AKT3: variants seen among roughly 807,000 people sequenced by gnomAD.
AKT3 encodes AKT serine/threonine kinase 3, also known as RAC-gamma serine/threonine-protein kinase.
AKT3 carries 15 observed loss-of-function variants against 65.3 expected under a neutral mutation model. The observed-to-expected ratio is 0.23, with a 90% CI of 0.15 to 0.35. AKT3 has a LOEUF of 0.35. Ranked by LOEUF, AKT3 falls within the 10% of genes least tolerant of loss-of-function variation. AKT3 has a pLI of 1.00. For synonymous variants in AKT3, 206 were observed against 183.8 expected, an observed-to-expected ratio of 1.12 and a Z score of -0.98; for missense variants, 243 against 576.5, an observed-to-expected ratio of 0.42 and a Z score of 5.92.
intron 2 of AKT3, among the ~76,000 whole-genome samples, chr1:243,703,588 G>A (rs944689279): frequency 1.3e-5 from 2 of 151,716 alleles, no homozygotes; most frequent in South Asian, 2.1e-4. Flanking sequence ...TGGCAAGACC[G>A]TCTCTACTAA....
At chr1:243,637,058 T>G (rs1680027869) in intron 6 of AKT3, among the ~76,000 whole-genome samples, 2 of 152,162 alleles carry the variant, frequency 1.3e-5, no homozygotes, top group South Asian at 4.1e-4. Flanking sequence ...ATTGGGATTT[T>G]GTTCAGAACT....
chr1:243,678,087 T>C (rs1683655519), intron 3 of AKT3, among the ~76,000 whole-genome samples: 1 of 151,998 alleles, frequency 6.6e-6, no homozygotes, highest in Admixed American at 6.6e-5. Flanking sequence ...GACTCTTGTC[T>C]CAAACAAACA....
At chr1:243,689,154 T>C (rs1684525864) in intron 3 of AKT3, among the ~76,000 whole-genome samples, 2 of 152,172 alleles carry the variant, frequency 1.3e-5, no homozygotes, top group Admixed American at 6.6e-5. Flanking sequence ...ATGTCTTCCA[T>C]AGTCAATGAC....
At chr1:243,544,146 T>C (rs954679387) in intron 12 of AKT3, among the ~76,000 whole-genome samples, 5 of 150,942 alleles carry the variant, frequency 3.3e-5, no homozygotes, top group Non-Finnish European at 5.9e-5. Context: ...GAGTAGATTA[T>C]TGAATGAAAA....
intron 9 of AKT3, among the ~76,000 whole-genome samples, chr1:243,572,423 A>T (rs1424524502): frequency 6.6e-6 from 1 of 152,198 alleles, no homozygotes; most frequent in African/African-American, 2.4e-5. Flanking sequence ...TCATAATGGA[A>T]CTTACAGCAG....
At chr1:243,749,813 T>C (rs1056175318) in intron 2 of AKT3, among the ~76,000 whole-genome samples, 9 of 152,216 alleles carry the variant, frequency 5.9e-5, no homozygotes, top group African/African-American at 2.2e-4. Flanking sequence ...TCAGTATCCA[T>C]TCACTCTTCA....
intron 10 of AKT3, among the ~76,000 whole-genome samples, chr1:243,558,369 T>G (rs1399285092): frequency 6.6e-6 from 1 of 151,986 alleles, no homozygotes; most frequent in Non-Finnish European, 1.5e-5. Context: ...GTCAAAATAT[T>G]CTCATCTATT....
At chr1:243,730,502 G>A (rs1022728018) in intron 2 of AKT3, among the ~76,000 whole-genome samples, 1 of 152,216 alleles carries the variant, frequency 6.6e-6, no homozygotes, top group East Asian at 1.9e-4. Context: ...CTGCAGGAGT[G>A]AAAAGCAGTG....
intron 1 of AKT3, among the ~76,000 whole-genome samples, chr1:243,847,471 T>C (rs1251663465): frequency 1.3e-5 from 2 of 152,126 alleles, no homozygotes; most frequent in African/African-American, 4.8e-5. Flanking sequence ...AAAGTTTAAG[T>C]AAAGGCTAAA....
At chr1:243,554,748 T>C (rs939465133) in intron 10 of AKT3, among the ~76,000 whole-genome samples, 3 of 152,014 alleles carry the variant, frequency 2.0e-5, no homozygotes, top group African/African-American at 7.2e-5. Context: ...AACAGTGGCA[T>C]ATACGAAAAG....
intron 8 of AKT3, among the ~76,000 whole-genome samples, chr1:243,593,060 A>T (rs1430705946): frequency 6.6e-6 from 1 of 152,174 alleles, no homozygotes; most frequent in Non-Finnish European, 1.5e-5. Flanking sequence ...CCACAATAAA[A>T]ACTGGAGCTC....
chr1:243,589,526 G>GTT (rs1676078151), intron 8 of AKT3, among the ~76,000 whole-genome samples: 3 of 152,064 alleles, frequency 2.0e-5, no homozygotes, highest in Non-Finnish European at 2.9e-5. Context: ...TAAAAAAGAT[G>GTT]AGATAGCAAG....
At chr1:243,564,946 T>C (rs954885690) in intron 9 of AKT3, among the ~76,000 whole-genome samples, 6 of 152,210 alleles carry the variant, frequency 3.9e-5, no homozygotes, top group Non-Finnish European at 7.3e-5. Flanking sequence ...ATCTCCACTT[T>C]AGAACATAAA....
chr1:243,678,868 G>A (rs1683715531), intron 3 of AKT3, among the ~76,000 whole-genome samples: 1 of 152,012 alleles, frequency 6.6e-6, no homozygotes, highest in Admixed American at 6.5e-5. Flanking sequence ...GAAAATACAG[G>A]TCTGAACGGC....
At chr1:243,696,220 T>A (rs930989450) in intron 2 of AKT3, among the ~76,000 whole-genome samples, 1 of 151,852 alleles carries the variant, frequency 6.6e-6, no homozygotes, top group African/African-American at 2.4e-5. Flanking sequence ...TTAAGCAACA[T>A]TTTATTGTTC....
intron 2 of AKT3, among the ~76,000 whole-genome samples, chr1:243,759,135 A>G (rs1404327681): frequency 6.6e-6 from 1 of 152,124 alleles, no homozygotes; most frequent in African/African-American, 2.4e-5. Context: ...GCAAAATGCC[A>G]AAACCTCGTC....
chr1:243,557,918 A>G lies in AKT3; in HGVS notation c.949-4975T>C, dbSNP rs542768099. ...TACTAAAACAACTCTTTCTTTTCAC[A>G]AAAAGCATAGAGATTCTAAGACTAG... On this transcript the variant is annotated intron_variant, in intron 10 of 13. Coordinates refer to ENST00000673466, the MANE Select transcript of AKT3 (RefSeq NM_005465.7). Among the ~76,000 whole-genome samples, 109 of 152,212 alleles carry G rather than the reference A, an allele frequency of 7.2e-4. No individual in the cohort carries two copies. The Middle Eastern group carries it at 0.01, about 14-fold the overall frequency.
chr1:243,840,101 G>A (rs1372962879), intron 2 of AKT3, among the ~76,000 whole-genome samples: 1 of 152,124 alleles, frequency 6.6e-6, no homozygotes, highest in Admixed American at 6.5e-5. Context: ...AACACGGGAG[G>A]CGGAGGTTGC....
At chr1:243,560,403 T>C (rs943504140) in intron 10 of AKT3, among the ~76,000 whole-genome samples, 2 of 152,138 alleles carry the variant, frequency 1.3e-5, no homozygotes, top group Non-Finnish European at 2.9e-5. Context: ...ATAAAGGAAT[T>C]AAATTCTTAT....
Sources: gnomAD v4.1 joint callset for allele counts (sites outside exome capture counted in the v4.1 genomes callset) on GRCh38, gnomAD v4.1.1 for gene constraint, MANE v1.5 for transcripts, NCBI Gene and HGNC (gene_info 2026-07-23, HGNC 2026-07-21) for gene names.